OTUB2: variants seen among roughly 807,000 people sequenced by gnomAD.
The protein encoded by OTUB2 is ubiquitin thioesterase OTUB2.
Under a neutral mutation model 25.1 loss-of-function variants are expected in OTUB2, and 21 were observed. The ratio of observed to expected loss-of-function variants is 0.84; its 90% CI spans 0.59 to 1.21. The LOEUF (loss-of-function observed/expected upper bound fraction) is 1.21. OTUB2 is among the 50% of genes most tolerant of loss of function. The probability of loss-of-function intolerance (pLI) is 0.00; values close to 1 mark genes in which losing one functional copy is unlikely to be tolerated. For synonymous variants in OTUB2, 122 were observed against 122.8 expected, an observed-to-expected ratio of 0.99 and a Z score of 0.04; for missense variants, 283 against 298.0, an observed-to-expected ratio of 0.95 and a Z score of 0.37.
In OTUB2 at chr14:94,046,177, C is replaced by T. The variant is rs1412423496; in HGVS notation, c.*255C>T. The T allele has an allele frequency of 1.0e-5, 6 of 574,036 alleles. No homozygotes were observed. The highest frequency in any genetic ancestry group is 1.5e-5 in the Non-Finnish European group (5 of 322,796). The allele number at this position is 574,036 out of a possible 1,614,324, so 35.6% of individuals were successfully genotyped here. A position where few individuals can be genotyped will look rare whatever the true frequency, so the allele number is the denominator to read the frequency against. ...CTCCGCACCCCAGTTCGCAGTGAGG[C>T]CCTGGGTGGGTCACCTGCCCTCTCT... is the stretch of plus-strand genomic sequence containing the variant. On this transcript the variant is annotated 3_prime_UTR_variant, in exon 6 of 6. Coordinates refer to ENST00000203664, the MANE Select transcript of OTUB2 (RefSeq NM_023112.4).
intron 1 of OTUB2, among the ~76,000 whole-genome samples, chr14:94,028,148 G>A (rs1305340336): frequency 2.0e-5 from 3 of 152,212 alleles, no homozygotes; most frequent in Non-Finnish European, 4.4e-5. Flanking sequence ...ACCCCTCACC[G>A]GGGGCTTGGG....
chr14:94,037,758 C>A (rs946627785), intron 2 of OTUB2, among the ~76,000 whole-genome samples: 4 of 152,072 alleles, frequency 2.6e-5, no homozygotes, highest in African/African-American at 9.7e-5. Flanking sequence ...CTTTTATTAC[C>A]CCCATTTTAC....
rs1205123876 is a variant in OTUB2 at position 94,026,517 on chromosome 14, G to A, written c.-21G>A. The A allele has an allele frequency of 7.8e-7, 1 of 1,282,856 alleles. No homozygotes were observed. Among genetic ancestry groups the A allele is most frequent in the Non-Finnish European group, 9.9e-7 (1 of 1,009,514 alleles). 79.5% of individuals were successfully genotyped at this position (1,282,856 alleles called of 1,614,324 possible). Reference sequence around the variant, plus strand: ...ATCGCTCCTCGCTGGGGCGGGACCTGGCCTGGCGGCTCTGGTCACTATGGT... The same window carrying A: ...ATCGCTCCTCGCTGGGGCGGGACCTAGCCTGGCGGCTCTGGTCACTATGGT... On this transcript the variant is annotated 5_prime_UTR_variant, in exon 1 of 6. Transcript: ENST00000203664.
At chr14:94,027,164 G>C (rs1307217077) in intron 1 of OTUB2, among the ~76,000 whole-genome samples, 1 of 152,256 alleles carries the variant, frequency 6.6e-6, no homozygotes, top group African/African-American at 2.4e-5. Flanking sequence ...TGTCTGCGCA[G>C]AACGAGGCCC....
rs1885297362 is a variant in OTUB2, at chr14:94,047,283, A to T, written c.*1361A>T. ...GCTGCATGAGTCTGCTGACAACCTGACTGCACAAGGACTGGGTAGCAGACT... is the reference window on the plus strand; with the variant it reads ...GCTGCATGAGTCTGCTGACAACCTGTCTGCACAAGGACTGGGTAGCAGACT... On this transcript the variant is annotated 3_prime_UTR_variant, in exon 6 of 6. Coordinates refer to ENST00000203664, the MANE Select transcript of OTUB2 (RefSeq NM_023112.4). 6.6e-6 allele frequency: 1 copy of T among 152,180 alleles called. No individual in the cohort carries two copies. The highest frequency in any genetic ancestry group is 1.5e-5 in the Non-Finnish European group (1 of 68,048). The allele number at this position is 152,180 out of a possible 1,614,324, so 9.4% of individuals were successfully genotyped here.
intron 1 of OTUB2, among the ~76,000 whole-genome samples, chr14:94,031,657 G>A (rs1469851576): frequency 6.6e-6 from 1 of 152,224 alleles, no homozygotes. Context: ...CTCAAAGCCA[G>A]TCTGAACACA....
chr14:94,038,860 A>AT, intron 2 of OTUB2, 103 bp from the exon 3 acceptor site: 1 of 982,082 alleles, frequency 1.0e-6, no homozygotes. Context: ...GAGGGAGCAG[A>AT]CATTTCCTGG....
At chr14:94,031,459 TG>T (rs1430344722) in intron 1 of OTUB2, among the ~76,000 whole-genome samples, 1 of 151,910 alleles carries the variant, frequency 6.6e-6, no homozygotes, top group African/African-American at 2.4e-5. Flanking sequence ...CAGAAGACAG[TG>T]GGGACTCGTA....
At chr14:94,044,142 C>A in intron 4 of OTUB2, 87 bp downstream of exon 4, 1 of 1,308,600 alleles carries the variant, frequency 7.6e-7, no homozygotes. Context: ...CACAGCTCTG[C>A]TCCTCCTGGC....
chr14:94,028,667 A>G (rs1460149690), intron 1 of OTUB2, among the ~76,000 whole-genome samples: 1 of 152,238 alleles, frequency 6.6e-6, no homozygotes, highest in Non-Finnish European at 1.5e-5. Context: ...TGTGCTGGGC[A>G]CTGTGACACT....
intron 3 of OTUB2, chr14:94,039,300 A>T (rs762718792): frequency 1.3e-4 from 76 of 582,322 alleles, no homozygotes; most frequent in Admixed American, 7.5e-4. Context: ...GACCTCCCAG[A>T]TGCTTTCCAG....
In OTUB2 at chr14:94,046,880, T is replaced by C. The variant is rs923061852; in HGVS notation, c.*958T>C. The C allele has an allele frequency of 2.0e-5, 3 of 152,188 alleles. No individual in the cohort carries two copies. The highest frequency in any genetic ancestry group is 7.3e-5 in the African/African-American group (3 of 41,314). 9.4% of individuals were successfully genotyped at this position (152,188 alleles called of 1,614,324 possible). Reference sequence around the variant, plus strand: ...CCCTTTCCCGCTTCTGCTCTCTTTATGGACTGGTCAGAGGGTAGGTGGGAA... The same window carrying C: ...CCCTTTCCCGCTTCTGCTCTCTTTACGGACTGGTCAGAGGGTAGGTGGGAA... On this transcript the variant is annotated 3_prime_UTR_variant, in exon 6 of 6. Coordinates refer to ENST00000203664, the MANE Select transcript of OTUB2 (RefSeq NM_023112.4).
chr14:94,029,158 G>A (rs897767481), intron 1 of OTUB2, among the ~76,000 whole-genome samples: 1 of 152,232 alleles, frequency 6.6e-6, no homozygotes, highest in African/African-American at 2.4e-5. Flanking sequence ...ATTTTGACAA[G>A]TAAGAGATGG....
chr14:94,040,885 T>C (rs1885147604), intron 3 of OTUB2, among the ~76,000 whole-genome samples: 1 of 151,150 alleles, frequency 6.6e-6, no homozygotes, highest in East Asian at 2.0e-4. Context: ...TCAAGCAGGG[T>C]TGGAGAGGTA....
At position 94,044,332 on chromosome 14, in the gene OTUB2, C is replaced by T. The variant is rs920950772; in HGVS notation, c.304-254C>T. Among the ~76,000 whole-genome samples the T allele has an allele frequency of 2.0e-5, 3 of 152,202 alleles. 1 individual carries two copies. Among genetic ancestry groups the T allele is most frequent in the African/African-American group, 7.2e-5 (3 of 41,454 alleles). The stretch of plus-strand genomic sequence containing the variant: ...GAGTGTGCACGTGAGAATCCAAACC[C>T]AGGTAGTCATGGTGGGGAGACCCAA... On this transcript the variant is annotated intron_variant, in intron 4 of 5. Transcript: ENST00000203664.
chr14:94,045,917 CATTG>C lies in OTUB2; in HGVS notation c.704_*2del, dbSNP rs761998340. 30 of 1,613,898 alleles carry C rather than the reference CATTG, an allele frequency of 1.9e-5. No individual in the cohort carries two copies. Among genetic ancestry groups the C allele is most frequent in the Non-Finnish European group, 1.4e-5 (16 of 1,179,866 alleles). ...CAACATCCTTTATGCAGCCGATAAA[CATTG>C]ATTAATTTTAGGCCATGCAGTGGAA... On this transcript the variant is annotated frameshift_variant and stop_lost, in exon 6 of 6. Transcript: ENST00000203664. LOFTEE classifies it high-confidence loss of function.
chr14:94,041,760 G>T (rs1384251810), intron 3 of OTUB2, among the ~76,000 whole-genome samples: 1 of 152,190 alleles, frequency 6.6e-6, no homozygotes, highest in Admixed American at 6.5e-5. Flanking sequence ...ATGACATGCC[G>T]CCTGACGCTG....
Position 94,048,543 on chromosome 14 carries a change from A to T in OTUB2, c.*2621A>T, listed in dbSNP as rs777614750. Reference sequence around the variant, plus strand: ...AGTTTGTGAAATGGCAACAATACCTATGTGTCACTGGATTATTGGTTAAAA... The same window carrying T: ...AGTTTGTGAAATGGCAACAATACCTTTGTGTCACTGGATTATTGGTTAAAA... On this transcript the variant is annotated 3_prime_UTR_variant, in exon 6 of 6. Transcript: ENST00000203664. 1 of 152,148 alleles carries T rather than the reference A, an allele frequency of 6.6e-6. No individual in the cohort carries two copies. Among genetic ancestry groups the T allele is most frequent in the Admixed American group, 6.5e-5 (1 of 15,276 alleles). The allele number at this position is 152,148 out of a possible 1,614,324, so 9.4% of individuals were successfully genotyped here.
chr14:94,040,913 A>G (rs527606876), intron 3 of OTUB2, among the ~76,000 whole-genome samples: 8 of 152,296 alleles, frequency 5.3e-5, no homozygotes, highest in African/African-American at 1.9e-4. Flanking sequence ...CAGGGCACAT[A>G]GGGCCTTGGG....
Sources: allele counts gnomAD v4.1 joint callset (sites outside exome capture counted in the v4.1 genomes callset), GRCh38; gene constraint gnomAD v4.1.1; transcripts MANE v1.5; gene names NCBI Gene and HGNC (gene_info 2026-07-23, HGNC 2026-07-21).